Variants in CLSTN1 observed in about 807,000 individuals in gnomAD.
CLSTN1 encodes the protein calsyntenin 1.
In CLSTN1, 28 loss-of-function variants were observed where a neutral mutation model predicts 108.3. The observed-to-expected ratio is 0.26, with a 90% confidence interval of 0.19 to 0.35. The LOEUF is 0.35. CLSTN1 is among the 10% of genes least tolerant of loss of function. The pLI, the probability that CLSTN1 is intolerant of heterozygous loss-of-function variation, is 1.00. For synonymous variants in CLSTN1, 524 were observed against 534.9 expected (o/e 0.98, Z 0.28); for missense variants, 1,157 against 1,302.6 (o/e 0.89, Z 1.72).
At chr1:9,776,788 C>CTCTATCTATCTA (rs137950862) in intron 1 of CLSTN1, among the ~76,000 whole-genome samples, 37 of 151,868 alleles carry the variant, frequency 2.4e-4, no homozygotes, top group African/African-American at 7.5e-4. Context: ...ACCCACCTAT[C>CTCTATCTATCTA]TCTATCTATC....
chr1:9,783,888 G>GA (rs1475741305), intron 1 of CLSTN1, among the ~76,000 whole-genome samples: 2 of 151,976 alleles, frequency 1.3e-5, no homozygotes, highest in African/African-American at 4.8e-5. Context: ...AGCTACTTGG[G>GA]AGGCTGAGAC....
intron 1 of CLSTN1, among the ~76,000 whole-genome samples, chr1:9,778,596 G>T (rs1027366888): frequency 6.6e-6 from 1 of 152,096 alleles, no homozygotes; most frequent in Non-Finnish European, 1.5e-5. Flanking sequence ...GTTATGGAAG[G>T]TTAGATTACA....
chr1:9,787,948 CTG>C (rs1056267789), intron 1 of CLSTN1, among the ~76,000 whole-genome samples: 15 of 151,384 alleles, frequency 9.9e-5, no homozygotes, highest in African/African-American at 3.6e-4. Context: ...TTTTCTGTCT[CTG>C]TGAATTTGAC....
At chr1:9,782,548 A>G (rs1196678800) in intron 1 of CLSTN1, among the ~76,000 whole-genome samples, 3 of 152,242 alleles carry the variant, frequency 2.0e-5, no homozygotes, top group African/African-American at 7.2e-5. Flanking sequence ...GCACACACCT[A>G]TCATTTCAGG....
intron 1 of CLSTN1, among the ~76,000 whole-genome samples, chr1:9,803,796 C>A (rs1254697696): frequency 6.6e-6 from 1 of 151,696 alleles, no homozygotes; most frequent in African/African-American, 2.4e-5. Flanking sequence ...AGCAAGACTC[C>A]ATCTTAAAAA....
At chr1:9,804,950 C>T (rs183382565) in intron 1 of CLSTN1, among the ~76,000 whole-genome samples, 86 of 152,048 alleles carry the variant, frequency 5.7e-4, no homozygotes, top group African/African-American at 2.0e-3. Context: ...AGTGAAACCC[C>T]GTCTCTACTA....
Position 9,749,757 on chromosome 1 carries a change from A to G in CLSTN1, c.799+7T>C. The stretch of plus-strand genomic sequence containing the variant: ...GATGTGAGCGCAGGGGAGAGAATGA[A>G]GCTCACCTTGCCACCCAGGGGTGCA... On this transcript the variant is annotated splice_region_variant and intron_variant, in intron 6 of 18. Coordinates refer to ENST00000377298, the MANE Select transcript of CLSTN1 (RefSeq NM_001009566.3). The G allele has an allele frequency of 5.6e-6, 9 of 1,614,004 alleles. No individual in the cohort carries two copies. The highest frequency in any genetic ancestry group is 7.6e-6 in the Non-Finnish European group (9 of 1,179,962).
At chr1:9,749,704 G>T (rs1344557391) in intron 6 of CLSTN1, 58 bp from the exon 7 acceptor site, 1 of 1,610,750 alleles carries the variant, frequency 6.2e-7, no homozygotes, top group East Asian at 2.2e-5. Context: ...ACTCTAGGTT[G>T]CTGCCGCATA....
Position 9,743,933 on chromosome 1 carries a change from G to C in CLSTN1, c.1307C>G (p.Ser436Cys). 6.2e-7 allele frequency: 1 copy of C among 1,614,102 alleles called. No individual in the cohort carries two copies. Among genetic ancestry groups the C allele is most frequent in the Non-Finnish European group, 8.5e-7 (1 of 1,180,004 alleles). Residue 436 changes from serine (S) to cysteine (C), a missense_variant, in exon 9 of 19, where the codon TCT (serine) becomes TGT (cysteine). Ser to Cys is a moderately radical substitution (Grantham distance 112). Transcript: ENST00000377298. ...RLIFLFRQDP[S>C]EEKKYRPAEF... The stretch of plus-strand genomic sequence containing the variant: ...TGCAGGTCTGTATTTCTTCTCCTCA[G>C]AAGGATCCTGACGGAAGAGGAAGAT...
chr1:9,786,679 G>A (rs1053024327), intron 1 of CLSTN1, among the ~76,000 whole-genome samples: 1 of 140,024 alleles, frequency 7.1e-6, no homozygotes, highest in African/African-American at 2.9e-5. Context: ...AAAAACAAAG[G>A]TGAGAGCTGT....
chr1:9,768,534 C>T (rs1185215638), intron 2 of CLSTN1, among the ~76,000 whole-genome samples: 5 of 101,256 alleles, frequency 4.9e-5, no homozygotes, highest in Middle Eastern at 9.3e-3. Flanking sequence ...TTGGGTGGCA[C>T]CATGGGGGCG....
intron 1 of CLSTN1, among the ~76,000 whole-genome samples, chr1:9,817,911 GAC>G (rs940267165): frequency 6.6e-5 from 10 of 151,896 alleles, no homozygotes; most frequent in African/African-American, 2.4e-4. Context: ...ATGTCAGGCT[GAC>G]ACAGTGGGGA....
At chr1:9,773,899 ATTTT>A (rs57507445) in intron 1 of CLSTN1, among the ~76,000 whole-genome samples, 1 of 133,350 alleles carries the variant, frequency 7.5e-6, no homozygotes, top group South Asian at 2.4e-4. Flanking sequence ...TACTTGACTT[ATTTT>A]TTTTTTTTTT....
intron 1 of CLSTN1, among the ~76,000 whole-genome samples, chr1:9,796,162 TGAAGCAGGA>T (rs1303556002): frequency 6.7e-6 from 1 of 149,322 alleles, no homozygotes; most frequent in Non-Finnish European, 1.5e-5. Flanking sequence ...CTCGGGGGGC[TGAAGCAGGA>T]GAACTGCTTG....
intron 1 of CLSTN1, among the ~76,000 whole-genome samples, chr1:9,799,625 A>G (rs1402794417): frequency 6.8e-6 from 1 of 147,890 alleles, no homozygotes; most frequent in Non-Finnish European, 1.5e-5. Flanking sequence ...TGGGCAACAG[A>G]GCAAGACTCC....
rs1055063332 is a variant in CLSTN1 at position 9,766,456 on chromosome 1, G to C, written c.214+6816C>G. On this transcript the variant is annotated intron_variant, in intron 2 of 18. Transcript: ENST00000377298. ...GAGGATCACTTGAGGCCAGGAGTTC[G>C]AGACCAGCCTGGCCAACATGGTGAA... Among the ~76,000 whole-genome samples the C allele has an allele frequency of 3.3e-5, 5 of 152,092 alleles. 1 individual carries two copies. Among genetic ancestry groups the C allele is most frequent in the Admixed American group, 3.3e-4 (5 of 15,270 alleles).
Position 9,735,048 on chromosome 1 carries a change from A to G in CLSTN1, c.2010T>C (p.Phe670=), listed in dbSNP as rs868530810. The G allele has an allele frequency of 6.2e-7, 1 of 1,614,256 alleles. No individual in the cohort carries two copies. Among genetic ancestry groups the G allele is most frequent in the South Asian group, 1.1e-5 (1 of 91,092 alleles). Residue 670 remains phenylalanine (F), a synonymous_variant, in exon 14 of 19, where the codon TTT becomes TTC. Coordinates refer to ENST00000377298, the MANE Select transcript of CLSTN1 (RefSeq NM_001009566.3). ...AAAGGAACACCCCTTCTGAGCTTTC[A>G]AATTCAGAAGCTGCTCGGGCAAAAT... ...VHHFARAASE[F]ESSEGVFLFP...
chr1:9,787,231 C>T (rs551744097), intron 1 of CLSTN1, among the ~76,000 whole-genome samples: 11 of 151,080 alleles, frequency 7.3e-5, no homozygotes, highest in African/African-American at 2.4e-4. Flanking sequence ...CCGTCTTTCT[C>T]GAGGCCCAGG....
chr1:9,756,923 C>T (rs1057435960), intron 2 of CLSTN1, among the ~76,000 whole-genome samples: 3 of 151,864 alleles, frequency 2.0e-5, no homozygotes, highest in East Asian at 1.9e-4. Context: ...GGACTACAGG[C>T]GCCCGCCACC....
Sources: allele counts gnomAD v4.1 joint callset (sites outside exome capture counted in the v4.1 genomes callset), GRCh38; gene constraint gnomAD v4.1.1; transcripts MANE v1.5; gene names NCBI Gene and HGNC (gene_info 2026-07-23, HGNC 2026-07-21).